Variants in AUTS2 observed in about 807,000 individuals in gnomAD.
AUTS2 encodes autism susceptibility gene 2 protein.
Under a neutral mutation model 112.4 loss-of-function variants are expected in AUTS2, and 17 were observed. That is an observed-to-expected ratio of 0.15 (90% CI 0.10 to 0.23). The LOEUF is 0.23. AUTS2 is among the 10% of genes least tolerant of loss of function. AUTS2 has a pLI of 1.00. For synonymous variants in AUTS2, 751 were observed against 702.7 expected (o/e 1.07, Z -1.09); for missense variants, 1,510 against 1,701.6 (o/e 0.89, Z 1.98).
chr7:70,553,149 C>T (rs11523675), intron 5 of AUTS2, among the ~76,000 whole-genome samples: 35,531 of 152,102 alleles, frequency 0.23, 4,271 homozygotes, highest in Middle Eastern at 0.32. Context: ...CAGCAGAGAC[C>T]GTAAGCAGTG....
intron 5 of AUTS2, among the ~76,000 whole-genome samples, chr7:70,673,717 T>C (rs1204194343): frequency 6.6e-6 from 1 of 152,086 alleles, no homozygotes; most frequent in Admixed American, 6.6e-5. Flanking sequence ...CAGTGCTGGA[T>C]TGTGAGCTCT....
chr7:70,414,463 G>C (rs1251034437), intron 4 of AUTS2, among the ~76,000 whole-genome samples: 1 of 152,190 alleles, frequency 6.6e-6, no homozygotes, highest in Non-Finnish European at 1.5e-5. Flanking sequence ...AGTCAGCTCT[G>C]TGTCGCTTAG....
chr7:70,017,035 T>G (rs1026205026), intron 2 of AUTS2, among the ~76,000 whole-genome samples: 11 of 152,212 alleles, frequency 7.2e-5, no homozygotes, highest in Admixed American at 5.2e-4. Context: ...CTACTACTGT[T>G]TTTGAACTGG....
intron 4 of AUTS2, among the ~76,000 whole-genome samples, chr7:70,241,013 A>G (rs1012391389): frequency 5.3e-5 from 8 of 152,194 alleles, no homozygotes; most frequent in Non-Finnish European, 1.5e-5. Flanking sequence ...TCCATCCCCA[A>G]GTGCTGGAGA....
rs1791763921 is a variant in AUTS2, at chr7:70,789,823, C to T, written c.2607C>T (p.Thr869=). Reference sequence around the variant, plus strand: ...TCCCGGTGAATGCCCTGGGACATACCCGCAGCTCCACTGAACAGATCCGGG... The same window carrying T: ...TCCCGGTGAATGCCCTGGGACATACTCGCAGCTCCACTGAACAGATCCGGG... The part of the protein sequence containing the change: ...PVLPVNALGH[T]RSSTEQIRAH... Residue 869 remains threonine, a synonymous_variant, in exon 19 of 19, where the codon ACC becomes ACT. Transcript: ENST00000342771. 1 of 1,614,188 alleles carries T rather than the reference C, an allele frequency of 6.2e-7. No homozygotes were observed. The highest frequency in any genetic ancestry group is 1.1e-5 in the South Asian group (1 of 91,084).
chr7:70,049,604 AC>A (rs1801657565), intron 2 of AUTS2, among the ~76,000 whole-genome samples: 1 of 152,158 alleles, frequency 6.6e-6, no homozygotes, highest in African/African-American at 2.4e-5. Flanking sequence ...TGCTGGGATT[AC>A]AGGCGCCCAG....
chr7:70,407,444 G>A (rs945009078), intron 4 of AUTS2, among the ~76,000 whole-genome samples: 1 of 152,064 alleles, frequency 6.6e-6, no homozygotes, highest in Non-Finnish European at 1.5e-5. Flanking sequence ...AACAAGAACC[G>A]GTCGGGAGTA....
At chr7:70,252,958 G>A (rs1183704694) in intron 4 of AUTS2, among the ~76,000 whole-genome samples, 1 of 152,126 alleles carries the variant, frequency 6.6e-6, no homozygotes, top group Non-Finnish European at 1.5e-5. Context: ...CTTTCTGCCA[G>A]TACCATACCT....
At chr7:69,626,096 T>C (rs894891827) in intron 1 of AUTS2, among the ~76,000 whole-genome samples, 5 of 152,036 alleles carry the variant, frequency 3.3e-5, no homozygotes, top group Admixed American at 3.3e-4. Context: ...TCCTGAGTAG[T>C]TGTGACATTA....
At chr7:70,269,940 A>T (rs151161051) in intron 4 of AUTS2, among the ~76,000 whole-genome samples, 1 of 152,192 alleles carries the variant, frequency 6.6e-6, no homozygotes, top group Non-Finnish European at 1.5e-5. Context: ...TTGGGAGGCC[A>T]AAGTGGAAGG....
chr7:70,233,549 A>C (rs1166558413), intron 4 of AUTS2, among the ~76,000 whole-genome samples: 1 of 152,216 alleles, frequency 6.6e-6, no homozygotes, highest in African/African-American at 2.4e-5. Flanking sequence ...TGCGTTTAGA[A>C]ATGGAATTGC....
At chr7:69,768,748 A>C (rs1480808054) in intron 1 of AUTS2, among the ~76,000 whole-genome samples, 1 of 152,122 alleles carries the variant, frequency 6.6e-6, no homozygotes, top group East Asian at 1.9e-4. Context: ...AGAGGAGGGG[A>C]GCTGAGGGAA....
chr7:69,884,057 A>G (rs187514194), intron 1 of AUTS2, among the ~76,000 whole-genome samples: 1 of 152,222 alleles, frequency 6.6e-6, no homozygotes, highest in Non-Finnish European at 1.5e-5. Flanking sequence ...CCAACAGCCA[A>G]TGTCATAACA....
chr7:69,988,502 G>A (rs1798605366), intron 2 of AUTS2, among the ~76,000 whole-genome samples: 1 of 152,096 alleles, frequency 6.6e-6, no homozygotes, highest in African/African-American at 2.4e-5. Context: ...TGCATCACTT[G>A]TTGAATTATT....
At chr7:70,623,092 A>C (rs1804760733) in intron 5 of AUTS2, among the ~76,000 whole-genome samples, 2 of 152,180 alleles carry the variant, frequency 1.3e-5, no homozygotes. Context: ...ATTATATAGG[A>C]ATTAGGAATG....
At chr7:69,706,090 T>G (rs1467770204) in intron 1 of AUTS2, among the ~76,000 whole-genome samples, 1 of 152,210 alleles carries the variant, frequency 6.6e-6, no homozygotes, top group Admixed American at 6.5e-5. Context: ...CCCCTCTGCC[T>G]TTTCCTCTTG....
At chr7:69,736,274 G>A (rs917237763) in intron 1 of AUTS2, among the ~76,000 whole-genome samples, 3 of 152,090 alleles carry the variant, frequency 2.0e-5, no homozygotes, top group African/African-American at 4.8e-5. Flanking sequence ...GAATAAAGAC[G>A]CTAAGGATAT....
chr7:69,925,221 G>C (rs1051141100), intron 2 of AUTS2, among the ~76,000 whole-genome samples: 1 of 151,946 alleles, frequency 6.6e-6, no homozygotes, highest in Non-Finnish European at 1.5e-5. Context: ...TGAAGAACAA[G>C]CTTTATTTTC....
chr7:69,671,483 GCTGGT>G (rs1309009311), intron 1 of AUTS2, among the ~76,000 whole-genome samples: 317 of 135,956 alleles, frequency 2.3e-3, no homozygotes, highest in East Asian at 0.022. Flanking sequence ...TGCTGCTGCT[GCTGGT>G]GTGTGTGTGT....
Sources: allele counts gnomAD v4.1 joint callset (sites outside exome capture counted in the v4.1 genomes callset), GRCh38; gene constraint gnomAD v4.1.1; transcripts MANE v1.5; gene names NCBI Gene and HGNC (gene_info 2026-07-23, HGNC 2026-07-21).